TBL1XR1: variants seen among roughly 807,000 people sequenced by gnomAD.
TBL1XR1 encodes the protein F-box-like/WD repeat-containing protein TBL1XR1.
TBL1XR1 carries 5 observed loss-of-function variants against 66.9 expected under a neutral mutation model. The ratio of observed to expected loss-of-function variants is 0.07; its 90% CI spans 0.04 to 0.16. The LOEUF (loss-of-function observed/expected upper bound fraction) is 0.16, where lower values mean the gene tolerates loss of function less well. TBL1XR1 is among the 10% of genes least tolerant of loss of function. The probability of loss-of-function intolerance (pLI) is 1.00; values close to 1 mark genes in which losing one functional copy is unlikely to be tolerated. For missense variants in TBL1XR1, 238 were observed against 623.2 expected (o/e 0.38, Z 6.58); for synonymous variants, 210 against 206.0 (o/e 1.02, Z -0.17).
chr3:177,154,570 T>G (rs1731273257), intron 1 of TBL1XR1, among the ~76,000 whole-genome samples: 1 of 152,060 alleles, frequency 6.6e-6, no homozygotes, highest in Admixed American at 6.6e-5. Flanking sequence ...CTAATTTTTG[T>G]TTTTTTAGTA....
chr3:177,138,640 G>A (rs574487359), intron 1 of TBL1XR1, among the ~76,000 whole-genome samples: 2 of 152,232 alleles, frequency 1.3e-5, no homozygotes, highest in East Asian at 3.9e-4. Context: ...TGCCAGGTAA[G>A]GCTTTCTGTG....
chr3:177,073,166 T>C (rs1332004324), intron 2 of TBL1XR1, among the ~76,000 whole-genome samples: 1 of 152,186 alleles, frequency 6.6e-6, no homozygotes, highest in African/African-American at 2.4e-5. Flanking sequence ...CAAAAGCTCT[T>C]TGAGATCATC....
chr3:177,200,223 C>T (rs1345713985), upstream of TBL1XR1, among the ~76,000 whole-genome samples: 4 of 152,198 alleles, frequency 2.6e-5, no homozygotes, highest in South Asian at 2.1e-4. Flanking sequence ...CTGCCTGCCT[C>T]AGCCTCCCAA....
intron 4 of TBL1XR1, among the ~76,000 whole-genome samples, chr3:177,052,996 G>A (rs947541741): frequency 6.6e-6 from 1 of 152,180 alleles, no homozygotes; most frequent in Admixed American, 6.5e-5. Context: ...CAGCTGCTAA[G>A]GAGGCAGAGG....
intron 1 of TBL1XR1, among the ~76,000 whole-genome samples, chr3:177,188,322 G>C (rs1051051433): frequency 4.3e-4 from 65 of 152,274 alleles, no homozygotes; most frequent in African/African-American, 1.5e-3. Context: ...GCCAAGGTGG[G>C]CAGATCACCT....
chr3:177,150,595 T>C (rs1043993634), intron 1 of TBL1XR1, among the ~76,000 whole-genome samples: 10 of 152,218 alleles, frequency 6.6e-5, no homozygotes, highest in Admixed American at 5.9e-4. Context: ...GTACTGTTTT[T>C]CCATGTCACA....
chr3:177,046,231 G>C (rs367759961), intron 9 of TBL1XR1, 42 bp from the exon 10 acceptor site: 17 of 1,429,302 alleles, frequency 1.2e-5, no homozygotes, highest in Non-Finnish European at 1.6e-5. Flanking sequence ...ATGGAAAGAA[G>C]TTTAACATAC....
chr3:177,172,474 T>C (rs1390598130), intron 1 of TBL1XR1, among the ~76,000 whole-genome samples: 7 of 150,742 alleles, frequency 4.6e-5, no homozygotes, highest in Non-Finnish European at 7.4e-5. Flanking sequence ...ACCACAGTCA[T>C]CGGCCAGATG....
chr3:177,197,915 G>A (rs1183417741), upstream of TBL1XR1, among the ~76,000 whole-genome samples: 1 of 149,892 alleles, frequency 6.7e-6, no homozygotes. Flanking sequence ...GCCCGAGACG[G>A]GTGGGGGCGG....
chr3:177,117,571 G>C (rs77896981), intron 1 of TBL1XR1, among the ~76,000 whole-genome samples: 1 of 152,144 alleles, frequency 6.6e-6, no homozygotes, highest in African/African-American at 2.4e-5. Context: ...ATAAGCTCTC[G>C]GGTCTCCCAG....
At chr3:177,097,299 T>C (rs1454028156) in intron 2 of TBL1XR1, among the ~76,000 whole-genome samples, 3 of 152,236 alleles carry the variant, frequency 2.0e-5, no homozygotes, top group Non-Finnish European at 4.4e-5. Flanking sequence ...TATTTGATTC[T>C]TTAAAAAAGT....
chr3:177,165,460 C>T (rs905900285), intron 1 of TBL1XR1, among the ~76,000 whole-genome samples: 2 of 152,114 alleles, frequency 1.3e-5, no homozygotes, highest in African/African-American at 4.8e-5. Context: ...ATCAAAATCC[C>T]AGCAAATTTT....
At chr3:177,100,864 T>G (rs1724114840) in intron 1 of TBL1XR1, among the ~76,000 whole-genome samples, 1 of 133,866 alleles carries the variant, frequency 7.5e-6, no homozygotes, top group Non-Finnish European at 1.7e-5. Flanking sequence ...TTCTTTGGTT[T>G]TTTTTTTCTT....
chr3:177,197,835 G>A (rs992221698), upstream of TBL1XR1, among the ~76,000 whole-genome samples: 4 of 147,850 alleles, frequency 2.7e-5, no homozygotes, highest in African/African-American at 7.3e-5. Flanking sequence ...GGCGCCTCGG[G>A]GCCCCGGGCC....
intron 2 of TBL1XR1, among the ~76,000 whole-genome samples, chr3:177,071,404 A>T (rs1224432222): frequency 6.6e-6 from 1 of 152,164 alleles, no homozygotes; most frequent in Non-Finnish European, 1.5e-5. Context: ...TATTAGAAGA[A>T]GATGTGGTTA....
intron 1 of TBL1XR1, among the ~76,000 whole-genome samples, chr3:177,110,509 T>TC (rs1364325190): frequency 3.3e-5 from 5 of 152,222 alleles, no homozygotes; most frequent in African/African-American, 9.7e-5. Context: ...GGTTTTTTTT[T>TC]CCCTACTGTG....
chr3:177,032,928 C>T, intron 14 of TBL1XR1, 43 bp downstream of exon 14: 1 of 1,435,986 alleles, frequency 7.0e-7, no homozygotes, highest in Non-Finnish European at 9.2e-7. Context: ...ATGCTTCTAC[C>T]TAAATTTAAG....
chr3:177,042,998 T>G (rs559709337), intron 10 of TBL1XR1, among the ~76,000 whole-genome samples: 118 of 152,306 alleles, frequency 7.7e-4, no homozygotes, highest in African/African-American at 2.3e-3. Flanking sequence ...CAGTATATTA[T>G]TAACTTATAA....
intron 1 of TBL1XR1, among the ~76,000 whole-genome samples, chr3:177,130,159 G>A (rs9854353): frequency 0.67 from 92,671 of 137,584 alleles, 32,030 homozygotes; most frequent in African/African-American, 0.78. Flanking sequence ...AAAAAAAAAA[G>A]AAAGAAAGAA....
Sources: gnomAD v4.1 joint callset for allele counts (sites outside exome capture counted in the v4.1 genomes callset) on GRCh38, gnomAD v4.1.1 for gene constraint, MANE v1.5 for transcripts, NCBI Gene and HGNC (gene_info 2026-07-23, HGNC 2026-07-21) for gene names.